Variants in MYOCD observed in about 807,000 individuals in gnomAD.
MYOCD encodes the protein myocardin.
MYOCD carries 32 observed loss-of-function variants against 96.1 expected under a neutral mutation model. The observed-to-expected ratio is 0.33, with a 90% CI of 0.25 to 0.45. MYOCD has a LOEUF of 0.45. Among genes scored for constraint, MYOCD ranks in the 20% least tolerant of loss-of-function variants. The pLI is 1.00. For missense variants in MYOCD, 1,133 were observed against 1,200.6 expected (o/e 0.94, Z 0.83); for synonymous variants, 469 against 469.0 (o/e 1.00, Z 0.00).
chr17:12,760,192 T>C (rs2033129150), intron 12 of MYOCD: 1 of 163,430 alleles, frequency 6.1e-6, no homozygotes, highest in East Asian at 1.6e-4. Flanking sequence ...TTCTGACACA[T>C]GTCACAACAT....
chr17:12,688,988 C>T (rs1028921033), intron 1 of MYOCD, among the ~76,000 whole-genome samples: 3 of 152,202 alleles, frequency 2.0e-5, no homozygotes, highest in Non-Finnish European at 4.4e-5. Flanking sequence ...GATATTCACA[C>T]CCATGTGCAC....
At chr17:12,736,632 C>G (rs1429060331) in intron 6 of MYOCD, among the ~76,000 whole-genome samples, 4 of 152,168 alleles carry the variant, frequency 2.6e-5, no homozygotes, top group African/African-American at 9.7e-5. Context: ...TATGGACAAA[C>G]TAGCTAAGAC....
Position 12,740,055 on chromosome 17 carries a change from C to T in MYOCD, c.717+727C>T, listed in dbSNP as rs148801485. On this transcript the variant is annotated intron_variant, in intron 7 of 13. Transcript: ENST00000425538. ...GGTTCAAGTGATTCTCCTGCCTCAG[C>T]CTCCCGAGTATCTGGGACTACAGGC... 6.0e-3 allele frequency among the ~76,000 whole-genome samples: 911 copies of T among 152,214 alleles called. 17 individuals are homozygous for T. The highest frequency in any genetic ancestry group is 0.032 in the East Asian group (163 of 5,162).
At chr17:12,748,871 C>T (rs868072385) in intron 9 of MYOCD, among the ~76,000 whole-genome samples, 1 of 151,700 alleles carries the variant, frequency 6.6e-6, no homozygotes, top group African/African-American at 2.4e-5. Context: ...TAAATAATTG[C>T]TAATGTAAGT....
At chr17:12,703,349 G>A (rs1021440165) in intron 1 of MYOCD, among the ~76,000 whole-genome samples, 2 of 151,926 alleles carry the variant, frequency 1.3e-5, no homozygotes, top group African/African-American at 4.8e-5. Context: ...TATATTTGGT[G>A]TAGGGTTTAC....
intron 1 of MYOCD, among the ~76,000 whole-genome samples, chr17:12,689,879 A>G (rs921146175): frequency 2.0e-5 from 3 of 152,196 alleles, no homozygotes; most frequent in Admixed American, 2.0e-4. Flanking sequence ...AACACTATAC[A>G]CTAAAATTAA....
intron 1 of MYOCD, among the ~76,000 whole-genome samples, chr17:12,683,364 C>T (rs2150644113): frequency 6.6e-6 from 1 of 152,290 alleles, no homozygotes; most frequent in Non-Finnish European, 1.5e-5. Context: ...AGGGAGGCAT[C>T]ACCGGCTTCC....
intron 1 of MYOCD, among the ~76,000 whole-genome samples, chr17:12,680,254 C>T (rs1018794556): frequency 1.2e-4 from 18 of 152,172 alleles, no homozygotes; most frequent in Non-Finnish European, 2.6e-4. Context: ...TGGATGCCCA[C>T]GGTTAACCTC....
chr17:12,709,863 C>T (rs12450974), intron 2 of MYOCD, among the ~76,000 whole-genome samples: 22,955 of 152,056 alleles, frequency 0.15, 1,826 homozygotes, highest in Middle Eastern at 0.2. Flanking sequence ...AATTCTTCTC[C>T]CTGGGTATCA....
chr17:12,716,985 C>CAAAAAAAAAAAAAAAAAAAAAA (rs56992216), intron 3 of MYOCD, among the ~76,000 whole-genome samples: 1 of 112,952 alleles, frequency 8.9e-6, no homozygotes. Flanking sequence ...GATGCTGTCT[C>CAAAAAAAAAAAAAAAAAAAAAA]AAAAAAAAAA....
chr17:12,753,035 T>C lies in MYOCD; in HGVS notation c.1747T>C (p.Ser583Pro). The C allele has an allele frequency of 6.2e-7, 1 of 1,614,146 alleles. No homozygotes were observed. Among genetic ancestry groups the C allele is most frequent in the Non-Finnish European group, 8.5e-7 (1 of 1,180,010 alleles). The stretch of plus-strand genomic sequence containing the variant: ...GGCTGTCTCCAGCTGTCCTTTTGCA[T>C]CCCAAGTACCTGTGAAAAGACAAAG... ...EEAVSSCPFA[S>P]QVPVKRQSSS... The change falls in exon 10 of 14, where the codon TCC becomes CCC. Residue 583 changes from serine (S) to proline (P), a missense_variant. Coordinates refer to ENST00000425538, the MANE Select transcript of MYOCD (RefSeq NM_001146312.3).
In MYOCD at chr17:12,736,335, A is replaced by G. The variant is rs373052964; in HGVS notation, c.590A>G (p.Gln197Arg). Residue 197 changes from glutamine (Q) to arginine (R), a missense_variant and splice_region_variant, in exon 6 of 14, where the codon CAG (glutamine) becomes CGG (arginine). Gln to Arg is a conservative substitution (Grantham distance 43). Transcript: ENST00000425538. ...TPSTGSLGTN[Q>R]DLASGSENDR... is the part of the protein sequence containing the mutation. ...TCGACAGGTTCTCTGGGGACAAACC[A>G]GGTAAAAAACAAAACAAACAAACGA... The G allele has an allele frequency of 2.2e-5, 35 of 1,611,622 alleles. No individual in the cohort carries two copies. The highest frequency in any genetic ancestry group is 3.4e-5 in the Admixed American group (2 of 59,218).
At position 12,764,127 on chromosome 17, in the gene MYOCD, T is replaced by C. The variant is rs921245093; in HGVS notation, c.*483T>C. ...GTTGCCCAATGTCTCCATTACTATC[T>C]TTCAAAAGAGAAGCCAGACCCAGCT... On this transcript the variant is annotated 3_prime_UTR_variant, in exon 14 of 14. Coordinates refer to ENST00000425538, the MANE Select transcript of MYOCD (RefSeq NM_001146312.3). The C allele has an allele frequency of 1.3e-5, 2 of 152,514 alleles. No homozygotes were observed. Among genetic ancestry groups the C allele is most frequent in the African/African-American group, 4.8e-5 (2 of 41,458 alleles). 9.4% of individuals were successfully genotyped at this position (152,514 alleles called of 1,614,324 possible). A position where few individuals can be genotyped will look rare whatever the true frequency, so the allele number is the denominator to read the frequency against.
At chr17:12,722,468 A>G (rs1331389211) in intron 4 of MYOCD, among the ~76,000 whole-genome samples, 2 of 152,224 alleles carry the variant, frequency 1.3e-5, no homozygotes, top group Non-Finnish European at 2.9e-5. Flanking sequence ...AACAACAGAT[A>G]ACATTTACTG....
chr17:12,727,259 C>T (rs550313893), intron 5 of MYOCD, among the ~76,000 whole-genome samples: 40 of 152,252 alleles, frequency 2.6e-4, no homozygotes, highest in African/African-American at 9.4e-4. Context: ...CAGTAATGGG[C>T]AATTGAGCAC....
intron 2 of MYOCD, among the ~76,000 whole-genome samples, chr17:12,711,063 T>C (rs1009091451): frequency 1.3e-5 from 2 of 152,212 alleles, no homozygotes; most frequent in African/African-American, 4.8e-5. Flanking sequence ...GAAAATGCAC[T>C]GTTTTCAGAC....
intron 2 of MYOCD, 73 bp downstream of exon 2, chr17:12,705,266 G>T: frequency 9.2e-7 from 1 of 1,089,108 alleles, no homozygotes; most frequent in East Asian, 2.4e-5. Context: ...GTGCCTCAGA[G>T]GTCATTTAGT....
At chr17:12,694,427 T>C (rs2030637660) in intron 1 of MYOCD, among the ~76,000 whole-genome samples, 1 of 152,034 alleles carries the variant, frequency 6.6e-6, no homozygotes, top group Non-Finnish European at 1.5e-5. Flanking sequence ...TTGAGCTCAA[T>C]CTCTAGTATC....
At position 12,727,591 on chromosome 17, in the gene MYOCD, C is replaced by G. The variant is rs1057444937; in HGVS notation, c.415+4583C>G. ...TTCCAGATGTGTTTACATTTTCCAG[C>G]TCTCTCTGCAGCTGTGTTTCTGAGT... On this transcript the variant is annotated intron_variant, in intron 5 of 13. Coordinates refer to ENST00000425538, the MANE Select transcript of MYOCD (RefSeq NM_001146312.3). Among the ~76,000 whole-genome samples the G allele has an allele frequency of 2.0e-5, 3 of 152,158 alleles. No individual in the cohort carries two copies. The South Asian group carries it at 6.2e-4, about 32-fold the overall frequency.
Sources: allele counts gnomAD v4.1 joint callset (sites outside exome capture counted in the v4.1 genomes callset), GRCh38; gene constraint gnomAD v4.1.1; transcripts MANE v1.5; gene names NCBI Gene and HGNC (gene_info 2026-07-23, HGNC 2026-07-21).